The following SCN8A variants were observed in gnomAD, a reference collection of about 807,000 sequenced individuals.
The protein encoded by SCN8A is sodium channel protein type 8 subunit alpha.
Under a neutral mutation model 184.1 loss-of-function variants are expected in SCN8A, and 30 were observed. The observed-to-expected ratio is 0.16, with a 90% CI of 0.12 to 0.22. The LOEUF (loss-of-function observed/expected upper bound fraction) is 0.22, where lower values mean the gene tolerates loss of function less well. SCN8A is among the 10% of genes least tolerant of loss of function. SCN8A has a pLI of 1.00. For missense variants in SCN8A, 1,057 were observed against 2,498.9 expected (o/e 0.42, Z 12.30); for synonymous variants, 852 against 907.0 (o/e 0.94, Z 1.09).
chr12:51,636,860 A>G (rs1940329253), intron 1 of SCN8A, among the ~76,000 whole-genome samples: 1 of 152,246 alleles, frequency 6.6e-6, no homozygotes, highest in South Asian at 2.1e-4. Flanking sequence ...ATACATAAAT[A>G]TAAAACGATA....
chr12:51,686,993 C>T (rs747791929), intron 4 of SCN8A, 98 bp from the exon 5 acceptor site: 1 of 1,286,212 alleles, frequency 7.8e-7, no homozygotes, highest in Non-Finnish European at 1.1e-6. Flanking sequence ...TGTTTTGTCT[C>T]TCTTAGTTGA....
intron 1 of SCN8A, among the ~76,000 whole-genome samples, chr12:51,655,533 C>A (rs1416357446): frequency 6.6e-6 from 1 of 151,960 alleles, no homozygotes; most frequent in African/African-American, 2.4e-5. Flanking sequence ...CAGGGGGACC[C>A]AGATAAATTT....
intron 1 of SCN8A, among the ~76,000 whole-genome samples, chr12:51,640,212 G>GTTTTTTTTTTTTTT (rs57362371): frequency 2.9e-5 from 1 of 34,732 alleles, no homozygotes; most frequent in African/African-American, 1.2e-4. Context: ...TGCCTGGCCT[G>GTTTTTTTTTTTTTT]TTTTTTTTTT....
chr12:51,804,076 G>A (rs1012184585), intron 26 of SCN8A, among the ~76,000 whole-genome samples: 4 of 152,206 alleles, frequency 2.6e-5, no homozygotes, highest in Admixed American at 1.3e-4. Flanking sequence ...TGAACGAAGA[G>A]AACATGTCAG....
intron 1 of SCN8A, among the ~76,000 whole-genome samples, chr12:51,620,216 A>T (rs189488214): frequency 6.6e-6 from 1 of 152,184 alleles, no homozygotes; most frequent in Non-Finnish European, 1.5e-5. Flanking sequence ...CTTAATAACA[A>T]TCATTTTAAT....
rs1938801032 is a variant in SCN8A, at chr12:51,808,921, T to C, written c.*1492T>C. 6.6e-6 allele frequency: 1 copy of C among 152,188 alleles called. No individual in the cohort carries two copies. The highest frequency in any genetic ancestry group is 1.9e-4 in the East Asian group (1 of 5,198). 9.4% of individuals were successfully genotyped at this position (152,188 alleles called of 1,614,324 possible). A position where few individuals can be genotyped will look rare whatever the true frequency, so the allele number is the denominator to read the frequency against. On this transcript the variant is annotated 3_prime_UTR_variant, in exon 27 of 27. Coordinates refer to ENST00000627620, the MANE Select transcript of SCN8A (RefSeq NM_001330260.2). ...ATTGGGGTTACGGCTGTGGTTTCTTTCACTTATTATTAGAATAATAGTCAC... is the reference window on the plus strand; with the variant it reads ...ATTGGGGTTACGGCTGTGGTTTCTTCCACTTATTATTAGAATAATAGTCAC...
rs759890977 is a variant in SCN8A, at chr12:51,721,782, C to T, written c.1872C>T (p.Ser624=). ...YSGYSGYSQG[S]RSSRIFPSLR... ...GCTACAGCGGCTACAGCCAGGGCAGCCGCTCCTCGCGCATCTTCCCCAGCC... is the reference window on the plus strand; with the variant it reads ...GCTACAGCGGCTACAGCCAGGGCAGTCGCTCCTCGCGCATCTTCCCCAGCC... Residue 624 remains serine (S), a synonymous_variant, in exon 12 of 27, where the codon AGC becomes AGT. Coordinates refer to ENST00000627620, the MANE Select transcript of SCN8A (RefSeq NM_001330260.2). The T allele has an allele frequency of 1.9e-6, 3 of 1,610,276 alleles. No individual in the cohort carries two copies. Among genetic ancestry groups the T allele is most frequent in the East Asian group, 2.2e-5 (1 of 44,838 alleles).
chr12:51,615,004 C>T (rs867580152), intron 1 of SCN8A, among the ~76,000 whole-genome samples: 89 of 152,222 alleles, frequency 5.8e-4, no homozygotes, highest in African/African-American at 2.0e-3. Context: ...TGATTAGTAA[C>T]TGCCCATGAC....
Position 51,806,245 on chromosome 12 carries a change from A to G in SCN8A, c.4796-37A>G. On this transcript the variant is annotated intron_variant, in intron 26 of 26. Transcript: ENST00000627620. This position sits in a 1 kb window ranked among gnomAD's most constrained non-coding sequence, Gnocchi z 8.7. The stretch of plus-strand genomic sequence containing the variant: ...AAAATAAAGAGAAAGGGTGTCTCCC[A>G]TCTCAATAACATAACTTCTTCTATT... 2 of 1,492,994 alleles carry G rather than the reference A, an allele frequency of 1.3e-6. No homozygotes were observed. The highest frequency in any genetic ancestry group is 1.8e-6 in the Non-Finnish European group (2 of 1,120,618). 92.5% of individuals were successfully genotyped at this position (1,492,994 alleles called of 1,614,324 possible).
chr12:51,591,614 C>T lies in SCN8A; in HGVS notation c.-55+255C>T, dbSNP rs970110729. Among the ~76,000 whole-genome samples the T allele has an allele frequency of 1.1e-4, 17 of 152,294 alleles. No homozygotes were observed. The Middle Eastern group carries it at 0.01, about 91-fold the overall frequency. ...AACTGAGGACCACCAGTCCCCACCC[C>T]GGACACCCTGCTTTCTCCGTCTCGG... On this transcript the variant is annotated intron_variant, in intron 1 of 26. Transcript: ENST00000627620.
At position 51,721,725 on chromosome 12, in the gene SCN8A, C is replaced by T. The variant is rs1336705002; in HGVS notation, c.1815C>T (p.Ile605=). 1 of 1,594,898 alleles carries T rather than the reference C, an allele frequency of 6.3e-7. No individual in the cohort carries two copies. The highest frequency in any genetic ancestry group is 1.3e-5 in the African/African-American group (1 of 74,564). The change falls in exon 12 of 27, where the codon ATC becomes ATT. Residue 605 remains isoleucine, a synonymous_variant. Transcript: ENST00000627620. The stretch of plus-strand genomic sequence containing the variant: ...GCCGGGACTCCCTCTTCATCCCCAT[C>T]CGGGCCCGCGAGCGCCGGAGCAGCT... The part of the protein sequence containing the change: ...EGRRDSLFIP[I]RARERRSSYS...
Position 51,809,779 on chromosome 12 carries a change from G to T in SCN8A, c.*2350G>T, listed in dbSNP as rs1938832770. On this transcript the variant is annotated 3_prime_UTR_variant, in exon 27 of 27. Transcript: ENST00000627620. ...ACTTATTAAATAGGAAATGGCTTCT[G>T]GCTTATGCCATTGTCATGTTTATTT... 1 of 152,076 alleles carries T rather than the reference G, an allele frequency of 6.6e-6. No individual in the cohort carries two copies. The allele number at this position is 152,076 out of a possible 1,614,324, so 9.4% of individuals were successfully genotyped here. A position where few individuals can be genotyped will look rare whatever the true frequency, so the allele number is the denominator to read the frequency against.
At chr12:51,703,441 C>T (rs984771522) in intron 9 of SCN8A, among the ~76,000 whole-genome samples, 2 of 152,040 alleles carry the variant, frequency 1.3e-5, no homozygotes, top group African/African-American at 4.8e-5. Flanking sequence ...ACCATTAGGG[C>T]TTCTGTTTAA....
intron 2 of SCN8A, among the ~76,000 whole-genome samples, chr12:51,665,022 G>A (rs2138675021): frequency 6.6e-6 from 1 of 152,268 alleles, no homozygotes; most frequent in South Asian, 2.1e-4. Flanking sequence ...TGAGGATAAT[G>A]GCTTCCAGCA....
At chr12:51,631,178 G>A (rs1940188618) in intron 1 of SCN8A, among the ~76,000 whole-genome samples, 1 of 152,168 alleles carries the variant, frequency 6.6e-6, no homozygotes, top group Admixed American at 6.5e-5. Flanking sequence ...CCCTCTGTGG[G>A]AAGGCGTATT....
chr12:51,771,778 C>G (rs997342907), intron 19 of SCN8A, among the ~76,000 whole-genome samples: 1 of 152,180 alleles, frequency 6.6e-6, no homozygotes, highest in African/African-American at 2.4e-5. Context: ...CCTGAGGTGC[C>G]GCAGAGGCAC....
chr12:51,801,246 C>A (rs111595249), intron 26 of SCN8A, among the ~76,000 whole-genome samples: 17 of 152,318 alleles, frequency 1.1e-4, no homozygotes, highest in Non-Finnish European at 2.1e-4. Context: ...TCAGCCCCTG[C>A]CACCTTGGGA....
rs778470289 is a variant in SCN8A at position 51,751,407 on chromosome 12, C to T, written c.2184C>T (p.Asn728=). The T allele has an allele frequency of 1.9e-6, 3 of 1,613,966 alleles. No homozygotes were observed. The highest frequency in any genetic ancestry group is 2.5e-6 in the Non-Finnish European group (3 of 1,179,870). ...CGCCATGCTGGTATAAATTTGCCAA[C>T]ACTTTCCTCATCTGGGAGTGCCACC... The part of the protein sequence containing the change: ...KCPPCWYKFA[N]TFLIWECHPY... The change falls in exon 14 of 27, where the codon AAC becomes AAT. Residue 728 remains asparagine, a synonymous_variant. Coordinates refer to ENST00000627620, the MANE Select transcript of SCN8A (RefSeq NM_001330260.2).
At chr12:51,700,309 C>G (rs528264450) in intron 7 of SCN8A, among the ~76,000 whole-genome samples, 3 of 152,302 alleles carry the variant, frequency 2.0e-5, no homozygotes, top group Admixed American at 2.0e-4. Context: ...CCCTCTCTCT[C>G]CCTTTTTCGC....
Sources: gnomAD v4.1 joint callset for allele counts (sites outside exome capture counted in the v4.1 genomes callset) on GRCh38, gnomAD v4.1.1 for gene constraint, Gnocchi (gnomAD v3.1) non-coding constraint, MANE v1.5 for transcripts, NCBI Gene and HGNC (gene_info 2026-07-23, HGNC 2026-07-21) for gene names.